PTPRM: variants seen among roughly 807,000 people sequenced by gnomAD.
PTPRM encodes the protein protein tyrosine phosphatase receptor type M.
In PTPRM, 47 loss-of-function variants were observed where a neutral mutation model predicts 186.7. The observed-to-expected ratio is 0.25, with a 90% CI of 0.20 to 0.32. The LOEUF (loss-of-function observed/expected upper bound fraction) is 0.32. Ranked by LOEUF, PTPRM falls within the 10% of genes least tolerant of loss-of-function variation. PTPRM has a pLI of 1.00. For missense variants in PTPRM, 1,494 were observed against 1,865.0 expected, an observed-to-expected ratio of 0.80 and a Z score of 3.66; for synonymous variants, 668 against 674.9, an observed-to-expected ratio of 0.99 and a Z score of 0.16.
chr18:8,277,850 G>A (rs944335428), intron 19 of PTPRM, among the ~76,000 whole-genome samples: 3 of 152,194 alleles, frequency 2.0e-5, no homozygotes, highest in Non-Finnish European at 4.4e-5. Flanking sequence ...ACGCAGTGAG[G>A]TGCCTTTGAA....
chr18:8,120,749 C>G (rs910370390), intron 13 of PTPRM, among the ~76,000 whole-genome samples: 1 of 152,112 alleles, frequency 6.6e-6, no homozygotes, highest in Non-Finnish European at 1.5e-5. Context: ...CCCACCTCAG[C>G]CTCCCAAAGT....
intron 1 of PTPRM, among the ~76,000 whole-genome samples, chr18:7,648,342 A>G (rs1001505547): frequency 6.6e-6 from 1 of 152,102 alleles, no homozygotes; most frequent in African/African-American, 2.4e-5. Flanking sequence ...TAAAATTAGG[A>G]CAATTAATAA....
intron 7 of PTPRM, among the ~76,000 whole-genome samples, chr18:7,978,858 G>A (rs2147406657): frequency 6.7e-6 from 1 of 150,324 alleles, no homozygotes; most frequent in East Asian, 2.0e-4. Flanking sequence ...AATGTTATAT[G>A]ATTTTTTTTT....
intron 14 of PTPRM, among the ~76,000 whole-genome samples, chr18:8,180,088 G>T (rs1174498404): frequency 6.6e-6 from 1 of 152,120 alleles, no homozygotes; most frequent in Admixed American, 6.5e-5. Context: ...GTGGCCAAGA[G>T]GAATTGTTCT....
chr18:8,313,491 G>A (rs969892692), intron 20 of PTPRM, among the ~76,000 whole-genome samples: 1 of 151,974 alleles, frequency 6.6e-6, no homozygotes, highest in East Asian at 1.9e-4. Flanking sequence ...CTATGTTCCA[G>A]GCTCTAATCT....
intron 1 of PTPRM, among the ~76,000 whole-genome samples, chr18:7,673,313 A>T (rs2039261262): frequency 1.3e-5 from 2 of 152,246 alleles, no homozygotes; most frequent in South Asian, 2.1e-4. Flanking sequence ...TATCTCACCA[A>T]CAAAAGAAGA....
chr18:7,622,139 C>T (rs1308767462), intron 1 of PTPRM, among the ~76,000 whole-genome samples: 3 of 151,998 alleles, frequency 2.0e-5, no homozygotes, highest in Admixed American at 6.6e-5. Context: ...TGTCAGTGTT[C>T]GAGATTTTGA....
chr18:8,156,441 A>G (rs1262835320), intron 14 of PTPRM, among the ~76,000 whole-genome samples: 3 of 152,194 alleles, frequency 2.0e-5, no homozygotes, highest in Admixed American at 6.5e-5. Context: ...ACTATTTTGC[A>G]CATGTGAGAT....
At chr18:7,642,553 GA>G (rs2038468532) in intron 1 of PTPRM, among the ~76,000 whole-genome samples, 1 of 152,240 alleles carries the variant, frequency 6.6e-6, no homozygotes, top group South Asian at 2.1e-4. Flanking sequence ...CTGGGGAATG[GA>G]AAAAATTATT....
At chr18:8,219,153 TA>T (rs1465841039) in intron 14 of PTPRM, among the ~76,000 whole-genome samples, 2 of 152,348 alleles carry the variant, frequency 1.3e-5, no homozygotes, top group East Asian at 3.9e-4. Context: ...ATGGAAAAAC[TA>T]AATTCTAAAA....
intron 14 of PTPRM, among the ~76,000 whole-genome samples, chr18:8,209,141 A>G (rs1265559873): frequency 6.6e-6 from 1 of 152,168 alleles, no homozygotes; most frequent in Non-Finnish European, 1.5e-5. Context: ...TCTGCTTTCT[A>G]CTGTAGAACA....
In PTPRM at chr18:7,568,626, G is replaced by A. The variant is rs1440225535; in HGVS notation, c.73+735G>A. On this transcript the variant is annotated intron_variant, in intron 1 of 32. Transcript: ENST00000580170. The surrounding 1 kb of genome is among the most constrained non-coding windows in gnomAD (Gnocchi z 5.1). ...CTCGTCCCCCTAGCGGAGCGCCGCG[G>A]CCAGCTGCAACTTGTTCATCCAGCC... 6.6e-6 allele frequency among the ~76,000 whole-genome samples: 1 copy of A among 152,208 alleles called. No individual in the cohort carries two copies. The highest frequency in any genetic ancestry group is 1.5e-5 in the Non-Finnish European group (1 of 68,018).
intron 14 of PTPRM, among the ~76,000 whole-genome samples, chr18:8,243,837 T>C (rs550485828): frequency 6.6e-6 from 1 of 152,298 alleles, no homozygotes; most frequent in East Asian, 1.9e-4. Context: ...GTTTGGGGTT[T>C]TTTATTTTGT....
intron 1 of PTPRM, among the ~76,000 whole-genome samples, chr18:7,570,706 A>T (rs1311611478): frequency 6.6e-6 from 1 of 152,022 alleles, no homozygotes; most frequent in Non-Finnish European, 1.5e-5. Flanking sequence ...TATAACTCAG[A>T]CATTATCTAC....
chr18:8,403,091 A>G (rs1306424144), intron 32 of PTPRM: 2 of 152,230 alleles, frequency 1.3e-5, no homozygotes, highest in Non-Finnish European at 2.9e-5. Context: ...TGGATTGGCC[A>G]AGATGTCGGG....
chr18:7,645,503 A>G (rs2038539949), intron 1 of PTPRM, among the ~76,000 whole-genome samples: 2 of 152,022 alleles, frequency 1.3e-5, no homozygotes, highest in African/African-American at 4.8e-5. Flanking sequence ...TTATAAAAAT[A>G]AAAAAAGTCA....
intron 1 of PTPRM, among the ~76,000 whole-genome samples, chr18:7,735,573 C>G (rs1364073095): frequency 6.6e-6 from 1 of 151,794 alleles, no homozygotes; most frequent in Non-Finnish European, 1.5e-5. Context: ...AAATATGTCT[C>G]TAAATATACC....
At chr18:7,829,243 T>A (rs895207595) in intron 2 of PTPRM, among the ~76,000 whole-genome samples, 1 of 152,188 alleles carries the variant, frequency 6.6e-6, no homozygotes, top group East Asian at 1.9e-4. Flanking sequence ...GTTAGAGACA[T>A]TTTTGTGCAC....
At chr18:7,904,531 G>A (rs1384398031) in intron 3 of PTPRM, among the ~76,000 whole-genome samples, 2 of 152,084 alleles carry the variant, frequency 1.3e-5, no homozygotes, top group Non-Finnish European at 2.9e-5. Context: ...TGATCTTCGG[G>A]GAGTGGTGTT....
Sources: gnomAD v4.1 joint callset for allele counts (sites outside exome capture counted in the v4.1 genomes callset) on GRCh38, gnomAD v4.1.1 for gene constraint, Gnocchi (gnomAD v3.1) non-coding constraint, MANE v1.5 for transcripts, NCBI Gene and HGNC (gene_info 2026-07-23, HGNC 2026-07-21) for gene names.